TAAR5: variants seen among roughly 807,000 people sequenced by gnomAD.
TAAR5 encodes the protein trace amine-associated receptor 5.
In TAAR5, 27 loss-of-function variants were observed where a neutral mutation model predicts 21.1. The ratio of observed to expected loss-of-function variants is 1.28; its 90% CI spans 0.94 to 1.76. The LOEUF (loss-of-function observed/expected upper bound fraction) is 1.76, where lower values mean the gene tolerates loss of function less well. TAAR5 is among the 40% of genes most tolerant of loss of function. The pLI is 0.00. For missense variants in TAAR5, 495 were observed against 405.6 expected, an observed-to-expected ratio of 1.22 and a Z score of -1.89; for synonymous variants, 203 against 167.5, an observed-to-expected ratio of 1.21 and a Z score of -1.64.
upstream of TAAR5, among the ~76,000 whole-genome samples, chr6:132,591,931 A>C (rs1776912930): frequency 6.6e-6 from 1 of 152,244 alleles, no homozygotes; most frequent in African/African-American, 2.4e-5. Flanking sequence ...AAAATTCATA[A>C]AGTGCAGTCT....
chr6:132,602,024 T>C, the TAAR5 span, among the ~76,000 whole-genome samples: 1 of 152,150 alleles, frequency 6.6e-6, no homozygotes, highest in Admixed American at 6.5e-5. Context: ...ATGTGCTGAA[T>C]TTTTTAAATT....
the TAAR5 span, among the ~76,000 whole-genome samples, chr6:132,611,657 G>C: frequency 3.3e-5 from 5 of 152,138 alleles, no homozygotes; most frequent in African/African-American, 9.7e-5. Context: ...CTTGGCATTT[G>C]AGGAAATAGC....
At chr6:132,598,392 A>T in the TAAR5 span, among the ~76,000 whole-genome samples, 2 of 152,172 alleles carry the variant, frequency 1.3e-5, no homozygotes, top group Admixed American at 1.3e-4. Context: ...AAACCTATCT[A>T]ATTTTTTTCT....
At chr6:132,614,272 C>G in the TAAR5 span, among the ~76,000 whole-genome samples, 6 of 152,180 alleles carry the variant, frequency 3.9e-5, no homozygotes, top group African/African-American at 1.4e-4. Context: ...AAATACCTAA[C>G]TACATTTACT....
At chr6:132,615,177 T>C in the TAAR5 span, among the ~76,000 whole-genome samples, 12 of 152,136 alleles carry the variant, frequency 7.9e-5, no homozygotes, top group Non-Finnish European at 1.8e-4. Flanking sequence ...GTTTGTTTTA[T>C]TTTTTTCCAA....
At chr6:132,612,183 TA>T in the TAAR5 span, among the ~76,000 whole-genome samples, 1 of 152,190 alleles carries the variant, frequency 6.6e-6, no homozygotes. Context: ...TTAAAAAATA[TA>T]TTAACTCACC....
the TAAR5 span, among the ~76,000 whole-genome samples, chr6:132,598,120 T>C: frequency 6.6e-6 from 1 of 152,210 alleles, no homozygotes; most frequent in Non-Finnish European, 1.5e-5. Context: ...ACTGGTTACA[T>C]AGCCCAAACA....
the TAAR5 span, among the ~76,000 whole-genome samples, chr6:132,604,294 C>A: frequency 0.012 from 1,821 of 151,918 alleles, 35 homozygotes; most frequent in African/African-American, 0.04. Flanking sequence ...ATGAGCGTGC[C>A]ACCATGCACA....
At chr6:132,613,727 T>C in the TAAR5 span, among the ~76,000 whole-genome samples, 1 of 152,320 alleles carries the variant, frequency 6.6e-6, no homozygotes, top group Non-Finnish European at 1.5e-5. Flanking sequence ...GATGACTTAA[T>C]AGCAACACCA....
chr6:132,592,802 ACTT>A (rs1180756749), upstream of TAAR5, among the ~76,000 whole-genome samples: 1 of 152,048 alleles, frequency 6.6e-6, no homozygotes, highest in Non-Finnish European at 1.5e-5. Flanking sequence ...AAGCCAGTTA[ACTT>A]CTTATTTATA....
chr6:132,610,363 T>C, the TAAR5 span, among the ~76,000 whole-genome samples: 1 of 152,106 alleles, frequency 6.6e-6, no homozygotes, highest in Admixed American at 6.6e-5. Context: ...ACCCTAGGCC[T>C]ATGTTGAATT....
the TAAR5 span, among the ~76,000 whole-genome samples, chr6:132,615,525 G>T: frequency 6.6e-6 from 1 of 150,792 alleles, no homozygotes; most frequent in Non-Finnish European, 1.5e-5. Context: ...AGAATCCAGG[G>T]TAAACCACTA....
chr6:132,590,977 C>T (rs952938022), upstream of TAAR5, among the ~76,000 whole-genome samples: 4 of 151,982 alleles, frequency 2.6e-5, no homozygotes, highest in African/African-American at 9.7e-5. Flanking sequence ...TTTTTTGGTT[C>T]ATGAAGGGGT....
chr6:132,614,348 A>G, the TAAR5 span, among the ~76,000 whole-genome samples: 1 of 152,242 alleles, frequency 6.6e-6, no homozygotes, highest in African/African-American at 2.4e-5. Context: ...ATAAAAATTT[A>G]CCAACCTTGT....
chr6:132,615,867 A>G, the TAAR5 span, among the ~76,000 whole-genome samples: 1 of 133,678 alleles, frequency 7.5e-6, no homozygotes, highest in Admixed American at 7.9e-5. Flanking sequence ...ACAGTTCACT[A>G]CCATGTATAA....
At chr6:132,590,121 A>G (rs1462233269), upstream of TAAR5, among the ~76,000 whole-genome samples, 1 of 152,194 alleles carries the variant, frequency 6.6e-6, no homozygotes, top group African/African-American at 2.4e-5. Context: ...AATTTAAAGC[A>G]AAGATCTGAA....
the TAAR5 span, among the ~76,000 whole-genome samples, chr6:132,602,865 T>C: frequency 4.6e-5 from 7 of 151,540 alleles, no homozygotes; most frequent in South Asian, 1.5e-3. Context: ...AAATGTTTTG[T>C]TTTATTTTCA....
the TAAR5 span, among the ~76,000 whole-genome samples, chr6:132,603,282 G>A: frequency 7.5e-6 from 1 of 134,098 alleles, no homozygotes; most frequent in Non-Finnish European, 1.5e-5. Context: ...TAGCCTGTGT[G>A]ACAGAGTAAG....
the TAAR5 span, among the ~76,000 whole-genome samples, chr6:132,607,649 C>T: frequency 1.3e-5 from 2 of 152,278 alleles, no homozygotes; most frequent in East Asian, 1.9e-4. Flanking sequence ...AAGGCAAAAG[C>T]TCAAATTGCA....
Sources: allele counts gnomAD v4.1 joint callset (sites outside exome capture counted in the v4.1 genomes callset), GRCh38; gene constraint gnomAD v4.1.1; transcripts MANE v1.5; gene names NCBI Gene and HGNC (gene_info 2026-07-23, HGNC 2026-07-21).